The following KAZN variants were observed in gnomAD, a reference collection of about 807,000 sequenced individuals.
KAZN encodes the protein kazrin.
KAZN carries 40 observed loss-of-function variants against 87.4 expected under a neutral mutation model. That is an observed-to-expected ratio of 0.46 (90% CI 0.36 to 0.60). The LOEUF (loss-of-function observed/expected upper bound fraction) is 0.60. Among genes scored for constraint, KAZN ranks in the 20% least tolerant of loss-of-function variants. KAZN has a pLI of 0.00. For missense variants in KAZN, 898 were observed against 1,073.9 expected, an observed-to-expected ratio of 0.84 and a Z score of 2.29; for synonymous variants, 466 against 458.3, an observed-to-expected ratio of 1.02 and a Z score of -0.22.
intron 2 of KAZN, among the ~76,000 whole-genome samples, chr1:14,462,614 AAAGG>A (rs1667914614): frequency 6.6e-6 from 1 of 152,148 alleles, no homozygotes; most frequent in Non-Finnish European, 1.5e-5. Flanking sequence ...GGTAATTTAC[AAAGG>A]AAAGAGGTTT....
Position 14,864,308 on chromosome 1 carries a change from T to TA in KAZN, c.227-96374dup, listed in dbSNP as rs553410355. 4.5e-3 allele frequency among the ~76,000 whole-genome samples: 679 copies of TA among 152,354 alleles called. 5 individuals are homozygous for TA. Among genetic ancestry groups the TA allele is most frequent in the African/African-American group, 0.016 (653 of 41,590 alleles). On this transcript the variant is annotated intron_variant, in intron 1 of 14. Transcript: ENST00000376030. ...GGCCGGGCGCGGTGGCTCACGCCTG[T>TA]AATCCCAGCACTTTGGGAGGCCAAG... is the stretch of plus-strand genomic sequence containing the variant.
chr1:14,133,594 C>G (rs1182771783), intron 1 of KAZN, among the ~76,000 whole-genome samples: 2 of 152,068 alleles, frequency 1.3e-5, no homozygotes, highest in Non-Finnish European at 1.5e-5. Context: ...TCTGTGGAAG[C>G]AGCCCCACTT....
chr1:14,785,104 T>G (rs1156454952), intron 1 of KAZN, among the ~76,000 whole-genome samples: 3 of 151,998 alleles, frequency 2.0e-5, no homozygotes, highest in African/African-American at 7.3e-5. Context: ...ACCCTAAGAT[T>G]CATTTGGCTG....
intron 1 of KAZN, among the ~76,000 whole-genome samples, chr1:14,050,159 C>T (rs560252453): frequency 1.6e-4 from 24 of 145,672 alleles, no homozygotes; most frequent in East Asian, 7.9e-4. Context: ...TATGCTTGTG[C>T]GCGTGTGTGG....
At chr1:14,201,943 C>G (rs1170520411) in intron 2 of KAZN, among the ~76,000 whole-genome samples, 1 of 152,218 alleles carries the variant, frequency 6.6e-6, no homozygotes, top group Non-Finnish European at 1.5e-5. Context: ...GCTGGGATTA[C>G]AGGCGTGAGC....
chr1:13,982,453 A>G (rs1213987595), intron 1 of KAZN, among the ~76,000 whole-genome samples: 1 of 152,232 alleles, frequency 6.6e-6, no homozygotes, highest in African/African-American at 2.4e-5. Context: ...GTTACAGCTC[A>G]TAAAAGCAGT....
chr1:14,160,878 G>T (rs1462682503), intron 1 of KAZN, among the ~76,000 whole-genome samples: 4 of 152,166 alleles, frequency 2.6e-5, no homozygotes, highest in East Asian at 1.9e-4. Flanking sequence ...ACAAGGAAAA[G>T]GTTACATCTT....
At chr1:14,724,891 G>A (rs370156406) in intron 1 of KAZN, among the ~76,000 whole-genome samples, 1 of 152,184 alleles carries the variant, frequency 6.6e-6, no homozygotes, top group African/African-American at 2.4e-5. Context: ...CTGTCAAGTC[G>A]GAAAGAAGTC....
intron 2 of KAZN, among the ~76,000 whole-genome samples, chr1:15,006,929 C>T (rs1420049532): frequency 6.6e-6 from 1 of 151,900 alleles, no homozygotes. Flanking sequence ...TGGTGGCGGG[C>T]ACCTGTAGTC....
chr1:13,987,166 T>C (rs531925162), intron 1 of KAZN, among the ~76,000 whole-genome samples: 1 of 152,290 alleles, frequency 6.6e-6, no homozygotes, highest in South Asian at 2.1e-4. Context: ...TTAATTTTTT[T>C]TTTAACTTTA....
At chr1:14,812,487 T>A (rs564779366) in intron 1 of KAZN, among the ~76,000 whole-genome samples, 1 of 152,110 alleles carries the variant, frequency 6.6e-6, no homozygotes, top group Non-Finnish European at 1.5e-5. Context: ...CTGTCCCGGA[T>A]CACATTCATT....
chr1:14,612,394 A>AGAT (rs374455652), intron 1 of KAZN, among the ~76,000 whole-genome samples: 3 of 152,216 alleles, frequency 2.0e-5, no homozygotes, highest in African/African-American at 7.2e-5. Flanking sequence ...GGTCATGGTG[A>AGAT]GATGCAGGGC....
chr1:14,926,062 C>T (rs1659138061), intron 1 of KAZN, among the ~76,000 whole-genome samples: 1 of 152,218 alleles, frequency 6.6e-6, no homozygotes, highest in Admixed American at 6.5e-5. Context: ...ACCATAAATG[C>T]TTAATGCATG....
At chr1:14,163,887 C>T (rs1255548360) in intron 1 of KAZN, among the ~76,000 whole-genome samples, 2 of 152,218 alleles carry the variant, frequency 1.3e-5, no homozygotes, top group African/African-American at 4.8e-5. Flanking sequence ...CTCTACTTTA[C>T]AGTCACATTT....
chr1:14,570,157 T>C (rs1674778999), intron 2 of KAZN, among the ~76,000 whole-genome samples: 1 of 152,282 alleles, frequency 6.6e-6, no homozygotes, highest in African/African-American at 2.4e-5. Flanking sequence ...AGGATGCCCA[T>C]CTCACGCTCC....
At chr1:15,057,882 G>A (rs564577188) in intron 5 of KAZN, among the ~76,000 whole-genome samples, 5 of 152,318 alleles carry the variant, frequency 3.3e-5, no homozygotes, top group East Asian at 3.9e-4. Context: ...GGTCATCCTC[G>A]TCTGCCTCTG....
At chr1:15,011,909 C>G (rs72639823) in intron 2 of KAZN, among the ~76,000 whole-genome samples, 11,036 of 152,128 alleles carry the variant, frequency 0.073, 593 homozygotes, top group East Asian at 0.25. Context: ...TCCAGAGCCT[C>G]CAAGCCCCCT....
chr1:13,981,091 ATATATATATATATATATATG>A (rs1570443221), intron 1 of KAZN, among the ~76,000 whole-genome samples: 1 of 107,678 alleles, frequency 9.3e-6, no homozygotes, highest in African/African-American at 3.7e-5. Flanking sequence ...ATTACTCTTT[ATATATATATATATATATATG>A]TATATATAAA....
chr1:15,076,268 AT>A (rs1202271684), intron 8 of KAZN, among the ~76,000 whole-genome samples: 8 of 152,136 alleles, frequency 5.3e-5, no homozygotes, highest in Non-Finnish European at 1.2e-4. Context: ...CCAATTCCAA[AT>A]TCCTTGCATC....
Sources: gnomAD v4.1 joint callset for allele counts (sites outside exome capture counted in the v4.1 genomes callset) on GRCh38, gnomAD v4.1.1 for gene constraint, MANE v1.5 for transcripts, NCBI Gene and HGNC (gene_info 2026-07-23, HGNC 2026-07-21) for gene names.